The following LIN52 variants were observed in gnomAD, a reference collection of about 807,000 sequenced individuals.
LIN52 encodes the protein protein lin-52 homolog.
LIN52 carries 4 observed loss-of-function variants against 18.5 expected under a neutral mutation model. The observed-to-expected ratio is 0.22, with a 90% CI of 0.11 to 0.49. LIN52 has a LOEUF of 0.49. Ranked by LOEUF, LIN52 falls within the 20% of genes least tolerant of loss-of-function variation. The pLI is 0.97. For synonymous variants in LIN52, 34 were observed against 45.5 expected (o/e 0.75, Z 1.02); for missense variants, 102 against 139.5 (o/e 0.73, Z 1.35).
chr14:74,120,703 C>T lies in LIN52; in HGVS notation c.283+19465C>T, dbSNP rs150121815. On this transcript the variant is annotated intron_variant, in intron 5 of 5. Coordinates refer to ENST00000555028, the MANE Select transcript of LIN52 (RefSeq NM_001024674.3). Reference sequence around the variant, plus strand: ...CTGGGAGGCGGAGGTTTCAGTGAGCCGAGATCGTGCCATTGCACTCCAGCC... The same window carrying T: ...CTGGGAGGCGGAGGTTTCAGTGAGCTGAGATCGTGCCATTGCACTCCAGCC... 8.6e-3 allele frequency among the ~76,000 whole-genome samples: 1,295 copies of T among 150,216 alleles called. 136 individuals are homozygous for T. In the East Asian group the frequency reaches 0.23, roughly 27 times the overall value.
At chr14:74,162,998 TTAAG>T (rs60365936) in intron 5 of LIN52, among the ~76,000 whole-genome samples, 1,940 of 152,288 alleles carry the variant, frequency 0.013, 37 homozygotes, top group African/African-American at 0.044. Context: ...ATATTTACAA[TTAAG>T]TAAGAAAATG....
chr14:74,140,435 C>T lies in LIN52; in HGVS notation c.283+39197C>T, dbSNP rs545581280. On this transcript the variant is annotated intron_variant, in intron 5 of 5. Coordinates refer to ENST00000555028, the MANE Select transcript of LIN52 (RefSeq NM_001024674.3). ...TATCTTTTGCTGCCTCATTAACTCTCGAGCATTAGAACAAGATAAAAATGC... is the reference window on the plus strand; with the variant it reads ...TATCTTTTGCTGCCTCATTAACTCTTGAGCATTAGAACAAGATAAAAATGC... Among the ~76,000 whole-genome samples, 70 of 152,316 alleles carry T rather than the reference C, an allele frequency of 4.6e-4. 1 individual carries two copies. The highest frequency in any genetic ancestry group is 1.5e-3 in the African/African-American group (62 of 41,562).
intron 5 of LIN52, among the ~76,000 whole-genome samples, chr14:74,123,674 C>T (rs909326884): frequency 2.0e-5 from 3 of 152,118 alleles, no homozygotes; most frequent in African/African-American, 7.2e-5. Context: ...CCCAGTGATC[C>T]CTGCTACTAG....
intron 5 of LIN52, among the ~76,000 whole-genome samples, chr14:74,188,250 A>T (rs1595192220): frequency 6.6e-6 from 1 of 152,264 alleles, no homozygotes; most frequent in African/African-American, 2.4e-5. Flanking sequence ...TTAAAGAAAA[A>T]TTCTCCAATA....
chr14:74,136,086 T>C (rs1286286410), intron 5 of LIN52, among the ~76,000 whole-genome samples: 1 of 152,204 alleles, frequency 6.6e-6, no homozygotes, highest in Admixed American at 6.5e-5. Flanking sequence ...AGTGTATCAC[T>C]TGCTATGTCC....
At chr14:74,162,882 A>C (rs574206073) in intron 5 of LIN52, among the ~76,000 whole-genome samples, 1 of 152,246 alleles carries the variant, frequency 6.6e-6, no homozygotes, top group East Asian at 1.9e-4. Context: ...CTTCTCAGCT[A>C]AATTGTAAGG....
chr14:74,195,497 G>A (rs2078906392), intron 5 of LIN52, among the ~76,000 whole-genome samples: 1 of 152,106 alleles, frequency 6.6e-6, no homozygotes. Flanking sequence ...AAAGCTAAGA[G>A]TAAAATACAT....
At chr14:74,147,234 G>A (rs767144571) in intron 5 of LIN52, among the ~76,000 whole-genome samples, 1 of 151,884 alleles carries the variant, frequency 6.6e-6, no homozygotes, top group Non-Finnish European at 1.5e-5. Flanking sequence ...TTCCAACCTG[G>A]GCAGTAAGAG....
At chr14:74,137,496 C>CTTT (rs1409995305) in intron 5 of LIN52, among the ~76,000 whole-genome samples, 3 of 85,518 alleles carry the variant, frequency 3.5e-5, no homozygotes, top group South Asian at 5.2e-4. Flanking sequence ...CACAGCAGCT[C>CTTT]TCTTTTTTTT....
At chr14:74,139,551 C>G (rs988685236) in intron 5 of LIN52, among the ~76,000 whole-genome samples, 2 of 152,052 alleles carry the variant, frequency 1.3e-5, no homozygotes, top group Non-Finnish European at 2.9e-5. Context: ...TTTTCCCCCT[C>G]CCTTTGGCTA....
rs767432549 is a variant in LIN52, at chr14:74,101,210, C to T, written c.255C>T (p.Asn85=). The change falls in exon 5 of 6, where the codon AAC becomes AAT. Residue 85 remains asparagine, a synonymous_variant. Transcript: ENST00000555028. ...TGGAGAAGGTTCGAGGCCTACAGAA[C>T]CTAGCCTATCAGCTGGGGCTGGATG... is the stretch of plus-strand genomic sequence containing the variant. ...NLMEKVRGLQ[N]LAYQLGLDES... is the part of the protein sequence containing the mutation. 3 of 1,610,710 alleles carry T rather than the reference C, an allele frequency of 1.9e-6. No individual in the cohort carries two copies.
At chr14:74,155,859 G>T (rs1341302256) in intron 5 of LIN52, among the ~76,000 whole-genome samples, 1 of 152,120 alleles carries the variant, frequency 6.6e-6, no homozygotes. Flanking sequence ...AAGGGACTGG[G>T]TTTATTTATT....
chr14:74,181,157 A>G (rs1311781911), intron 5 of LIN52, among the ~76,000 whole-genome samples: 1 of 151,212 alleles, frequency 6.6e-6, no homozygotes, highest in Non-Finnish European at 1.5e-5. Context: ...GAAAGAATGG[A>G]AGGCCATTTG....
In LIN52 at chr14:74,140,677, C is replaced by T. The variant is rs376366283; in HGVS notation, c.283+39439C>T. The stretch of plus-strand genomic sequence containing the variant: ...CCAGTGGGGCGGTGCTTTAAGAACC[C>T]GCACGTGGCTGCCCCAGCTGTTCTG... On this transcript the variant is annotated intron_variant, in intron 5 of 5. Coordinates refer to ENST00000555028, the MANE Select transcript of LIN52 (RefSeq NM_001024674.3). 1.4e-3 allele frequency among the ~76,000 whole-genome samples: 211 copies of T among 152,264 alleles called. 1 individual carries two copies. The highest frequency in any genetic ancestry group is 4.9e-3 in the African/African-American group (203 of 41,556).
intron 5 of LIN52, among the ~76,000 whole-genome samples, chr14:74,163,939 C>T (rs2061237155): frequency 1.3e-5 from 2 of 152,002 alleles, no homozygotes. Flanking sequence ...AATGGTTACT[C>T]AACCGGTGGA....
chr14:74,090,348 T>C (rs577131398), intron 1 of LIN52, among the ~76,000 whole-genome samples: 1 of 150,164 alleles, frequency 6.7e-6, no homozygotes, highest in East Asian at 2.0e-4. Flanking sequence ...GTTTGTTTGT[T>C]TTTTTGAGAT....
chr14:74,166,805 A>G (rs139903463), intron 5 of LIN52, among the ~76,000 whole-genome samples: 1 of 152,256 alleles, frequency 6.6e-6, no homozygotes, highest in Non-Finnish European at 1.5e-5. Context: ...TTCTATGCCA[A>G]TTTTCATTAT....
At chr14:74,165,513 C>CTTTTCTTTTT (rs1555384151) in intron 5 of LIN52, among the ~76,000 whole-genome samples, 1 of 110,262 alleles carries the variant, frequency 9.1e-6, no homozygotes, top group African/African-American at 3.8e-5. Flanking sequence ...GTTTTCTTTT[C>CTTTTCTTTTT]TTTTTTTTTT....
At chr14:74,111,468 T>C (rs1292992248) in intron 5 of LIN52, among the ~76,000 whole-genome samples, 2 of 151,158 alleles carry the variant, frequency 1.3e-5, no homozygotes, top group Admixed American at 1.3e-4. Flanking sequence ...TTTTTTTTTT[T>C]TTAATTTTTA....
Sources: gnomAD v4.1 joint callset for allele counts (sites outside exome capture counted in the v4.1 genomes callset) on GRCh38, gnomAD v4.1.1 for gene constraint, MANE v1.5 for transcripts, NCBI Gene and HGNC (gene_info 2026-07-23, HGNC 2026-07-21) for gene names.